The following CCDC91 variants were observed in gnomAD, a reference collection of about 807,000 sequenced individuals.
The protein encoded by CCDC91 is coiled-coil domain containing 91.
A neutral mutation model predicts 63.2 loss-of-function variants in CCDC91; 48 were observed. The observed-to-expected ratio is 0.76, with a 90% CI of 0.60 to 0.97. The LOEUF is 0.97. CCDC91 is among the 50% of genes least tolerant of loss of function. The pLI, the probability that CCDC91 is intolerant of heterozygous loss-of-function variation, is 0.00. For synonymous variants in CCDC91, 167 were observed against 165.8 expected (o/e 1.01, Z -0.06); for missense variants, 500 against 494.6 (o/e 1.01, Z -0.10).
At chr12:28,267,740 A>T (rs1244652293) in intron 3 of CCDC91, among the ~76,000 whole-genome samples, 1 of 73,966 alleles carries the variant, frequency 1.4e-5, no homozygotes, top group Admixed American at 2.3e-4. Flanking sequence ...ATTATATATA[A>T]TTATATATTA....
chr12:28,291,736 G>A (rs564028922), intron 3 of CCDC91, among the ~76,000 whole-genome samples: 1 of 152,292 alleles, frequency 6.6e-6, no homozygotes, highest in African/African-American at 2.4e-5. Context: ...TCAAAATGAT[G>A]ATTTTTTTGA....
In CCDC91 at chr12:28,268,673, G is replaced by A. The variant is rs1032832761; in HGVS notation, c.109+9231G>A. The stretch of plus-strand genomic sequence containing the variant: ...CCAGGACTGCTTCAGAGCAAGCCCC[G>A]TGTCTGAATCTTCAGAGGGTAGAAG... On this transcript the variant is annotated intron_variant, in intron 3 of 12. Coordinates refer to ENST00000536442, the MANE Select transcript of CCDC91 (RefSeq NM_018318.5). 17 of 985,040 alleles carry A rather than the reference G, an allele frequency of 1.7e-5. No homozygotes were observed. The Admixed American group carries it at 2.5e-4, about 14-fold the overall frequency. The allele number at this position is 985,040 out of a possible 1,614,324, so 61.0% of individuals were successfully genotyped here.
chr12:28,405,016 T>C (rs1338398097), intron 8 of CCDC91, among the ~76,000 whole-genome samples: 1 of 152,112 alleles, frequency 6.6e-6, no homozygotes, highest in Non-Finnish European at 1.5e-5. Flanking sequence ...TGATTATTGA[T>C]AGAGTTGGAT....
intron 1 of CCDC91, among the ~76,000 whole-genome samples, chr12:28,243,080 T>C (rs757267553): frequency 6.6e-6 from 1 of 152,150 alleles, no homozygotes; most frequent in Non-Finnish European, 1.5e-5. Context: ...TTACTCAGGC[T>C]CAGGTATTTC....
chr12:28,505,106 G>C (rs11049677), intron 12 of CCDC91, among the ~76,000 whole-genome samples: 31,714 of 151,880 alleles, frequency 0.21, 4,338 homozygotes, highest in Non-Finnish European at 0.31. Flanking sequence ...GAATTATTCA[G>C]CAAGGACCAG....
intron 8 of CCDC91, among the ~76,000 whole-genome samples, chr12:28,403,001 G>T (rs989035516): frequency 6.6e-6 from 1 of 152,116 alleles, no homozygotes; most frequent in African/African-American, 2.4e-5. Context: ...ATGCCACATC[G>T]TTGTCATGTA....
intron 1 of CCDC91, among the ~76,000 whole-genome samples, chr12:28,253,870 C>T (rs1427936434): frequency 2.6e-5 from 4 of 152,160 alleles, no homozygotes; most frequent in Admixed American, 2.0e-4. Context: ...GATATATCAT[C>T]TTCTGAAAAT....
chr12:28,351,005 A>G (rs932732643), intron 6 of CCDC91, among the ~76,000 whole-genome samples: 1 of 152,172 alleles, frequency 6.6e-6, no homozygotes, highest in Non-Finnish European at 1.5e-5. Flanking sequence ...TAGGGGCACA[A>G]TGCAATCTGT....
chr12:28,435,779 A>G (rs1459065800), intron 8 of CCDC91, among the ~76,000 whole-genome samples: 3 of 151,678 alleles, frequency 2.0e-5, no homozygotes, highest in African/African-American at 4.8e-5. Flanking sequence ...TCCCATATTG[A>G]TACTTTGGTT....
At chr12:28,394,122 C>G (rs924021753) in intron 8 of CCDC91, among the ~76,000 whole-genome samples, 3 of 152,096 alleles carry the variant, frequency 2.0e-5, no homozygotes, top group Non-Finnish European at 2.9e-5. Flanking sequence ...CACCCCAGGA[C>G]GTTTATAGGA....
chr12:28,229,018 C>G (rs1280131391), intron 1 of CCDC91, among the ~76,000 whole-genome samples: 2 of 152,044 alleles, frequency 1.3e-5, no homozygotes, highest in African/African-American at 4.8e-5. Context: ...GTAGTCTTTT[C>G]TTCTTACATT....
At position 28,264,585 on chromosome 12, in the gene CCDC91, C is replaced by CTGTGTGTGTGTGTGTG. The variant is rs34854850; in HGVS notation, c.109+5163_109+5178dup. On this transcript the variant is annotated intron_variant, in intron 3 of 12. Coordinates refer to ENST00000536442, the MANE Select transcript of CCDC91 (RefSeq NM_018318.5). ...TAGGCACATATATATATATGTCTGT[C>CTGTGTGTGTGTGTGTG]TGTGTGTGTGTGTGTGTGTGTGTGT... 2.1e-3 allele frequency among the ~76,000 whole-genome samples: 293 copies of CTGTGTGTGTGTGTGTG among 137,302 alleles called. 2 individuals carry two copies. The highest frequency in any genetic ancestry group is 5.6e-3 in the African/African-American group (204 of 36,304). 90.1% of individuals were successfully genotyped at this position (137,302 alleles called of 152,430 possible). A position where few individuals can be genotyped will look rare whatever the true frequency, so the allele number is the denominator to read the frequency against.
intron 6 of CCDC91, among the ~76,000 whole-genome samples, chr12:28,325,054 A>G (rs1163219636): frequency 6.6e-6 from 1 of 151,996 alleles, no homozygotes; most frequent in Non-Finnish European, 1.5e-5. Context: ...ATGAATTTTT[A>G]TAGTATTCTG....
intron 12 of CCDC91, among the ~76,000 whole-genome samples, chr12:28,529,301 A>T (rs1004471354): frequency 6.6e-5 from 10 of 152,294 alleles, no homozygotes; most frequent in African/African-American, 2.2e-4. Flanking sequence ...AACAGCACAC[A>T]GGTTTGACTT....
At chr12:28,517,818 C>T (rs1333594806) in intron 12 of CCDC91, among the ~76,000 whole-genome samples, 2 of 151,860 alleles carry the variant, frequency 1.3e-5, no homozygotes, top group Non-Finnish European at 2.9e-5. Flanking sequence ...CCCGAAAGTC[C>T]ACTGTGTCAT....
chr12:28,254,051 T>G (rs1946288594), intron 1 of CCDC91, among the ~76,000 whole-genome samples: 2 of 152,242 alleles, frequency 1.3e-5, no homozygotes, highest in South Asian at 4.1e-4. Flanking sequence ...TATTACATTG[T>G]GTATTCTGTA....
At chr12:28,456,880 A>G (rs1306278604) in intron 11 of CCDC91, among the ~76,000 whole-genome samples, 1 of 152,154 alleles carries the variant, frequency 6.6e-6, no homozygotes, top group Non-Finnish European at 1.5e-5. Context: ...TGGATTAATA[A>G]GCATATAGTT....
At chr12:28,229,926 G>A (rs1944486013) in intron 1 of CCDC91, among the ~76,000 whole-genome samples, 1 of 152,104 alleles carries the variant, frequency 6.6e-6, no homozygotes, top group African/African-American at 2.4e-5. Flanking sequence ...CATTATATCA[G>A]CTAAGAGTTC....
At chr12:28,505,569 T>C (rs548559965) in intron 12 of CCDC91, 3 of 152,058 alleles carry the variant, frequency 2.0e-5, no homozygotes, top group Admixed American at 2.0e-4. Flanking sequence ...TTTCTTTCCT[T>C]GTTTAAGAAA....
Sources: allele counts gnomAD v4.1 joint callset (sites outside exome capture counted in the v4.1 genomes callset), GRCh38; gene constraint gnomAD v4.1.1; transcripts MANE v1.5; gene names NCBI Gene and HGNC (gene_info 2026-07-23, HGNC 2026-07-21).